Variants in MSC observed in about 807,000 individuals in gnomAD.
MSC encodes the protein musculin.
Under a neutral mutation model 14.4 loss-of-function variants are expected in MSC, and 16 were observed. That is an observed-to-expected ratio of 1.11 (90% CI 0.75 to 1.69). The LOEUF (loss-of-function observed/expected upper bound fraction) is 1.69, where lower values mean the gene tolerates loss of function less well. MSC is among the 40% of genes most tolerant of loss of function. The pLI is 0.00. For missense variants in MSC, 320 were observed against 288.1 expected, an observed-to-expected ratio of 1.11 and a Z score of -0.80; for synonymous variants, 165 against 128.5, an observed-to-expected ratio of 1.28 and a Z score of -1.92.
Position 71,843,823 on chromosome 8 carries a change from C to G in MSC, c.356G>C (p.Arg119Pro). ...RNAANARERARMRVLSKAFSR... is the reference protein window; with the variant it reads ...RNAANARERAPMRVLSKAFSR... ...GAAGGCTTTGCTCAGCACGCGCATC[C>G]GGGCACGCTCACGGGCGTTGGCCGC... The change falls in exon 1 of 2, where the codon CGG (arginine) becomes CCG (proline). Residue 119 changes from arginine to proline, a missense_variant. Coordinates refer to ENST00000325509, the MANE Select transcript of MSC (RefSeq NM_005098.4). 6.2e-7 allele frequency: 1 copy of G among 1,613,484 alleles called. No homozygotes were observed. Among genetic ancestry groups the G allele is most frequent in the Non-Finnish European group, 8.5e-7 (1 of 1,179,878 alleles).
rs1807443322 is a variant in MSC at position 71,843,744 on chromosome 8, C to A, written c.435G>T (p.Lys145Asn). The A allele has an allele frequency of 6.2e-7, 1 of 1,614,178 alleles. No homozygotes were observed. Among genetic ancestry groups the A allele is most frequent in the Non-Finnish European group, 8.5e-7 (1 of 1,180,032 alleles). Residue 145 changes from lysine (K) to asparagine (N), a missense_variant, in exon 1 of 2, where the codon AAG becomes AAT. Lys to Asn is a moderately conservative substitution (Grantham distance 94). Coordinates refer to ENST00000325509, the MANE Select transcript of MSC (RefSeq NM_005098.4). Reference sequence around the variant, plus strand: ...TGGAAGCCAGCCGGAGCGTGTCCAGCTTGGAGAGCTTAGTGTCGGGGGGCA... The same window carrying A: ...TGGAAGCCAGCCGGAGCGTGTCCAGATTGGAGAGCTTAGTGTCGGGGGGCA... ...PWVPPDTKLS[K>N]LDTLRLASSY...
Position 71,842,563 on chromosome 8 carries a change from C to T in MSC, c.*98G>A. The T allele has an allele frequency of 7.8e-6, 9 of 1,156,222 alleles. No homozygotes were observed. The highest frequency in any genetic ancestry group is 1.2e-5 in the Non-Finnish European group (9 of 766,042). The allele number at this position is 1,156,222 out of a possible 1,614,324, so 71.6% of individuals were successfully genotyped here. A position where few individuals can be genotyped will look rare whatever the true frequency, so the allele number is the denominator to read the frequency against. On this transcript the variant is annotated 3_prime_UTR_variant, in exon 2 of 2. Transcript: ENST00000325509. ...AGGGGAAGGGTCAAGGAGAATCCAG[C>T]GGAAACTTCTTCCCATCTCACGAGC...
Position 71,842,663 on chromosome 8 carries a change from A to G in MSC, c.619T>C (p.Ter207GlnextTer7), listed in dbSNP as rs377405872. 153 of 1,613,900 alleles carry G rather than the reference A, an allele frequency of 9.5e-5. No homozygotes were observed. The highest frequency in any genetic ancestry group is 1.3e-4 in the Non-Finnish European group (150 of 1,179,916). Residue 207 changes from the stop codon to glutamine, a stop_lost, in exon 2 of 2, where the codon TAA becomes CAA. Coordinates refer to ENST00000325509, the MANE Select transcript of MSC (RefSeq NM_005098.4). ...AANRLCGTTA[*>Q] ...CATCAAGTGAGTTCCAGTCCGATTT[A>G]AGCGGTGGTTCCACATAGTCTGTTG...
intron 1 of MSC, chr8:71,843,302 A>G (rs1044216510): frequency 3.7e-5 from 16 of 428,696 alleles, no homozygotes; most frequent in African/African-American, 3.2e-4. Flanking sequence ...TGCCCGACTC[A>G]GCTGGATTAA....
rs1422584164 is a variant in MSC, at chr8:71,842,820, A to G, written c.535-73T>C. On this transcript the variant is annotated intron_variant, in intron 1 of 1. Transcript: ENST00000325509. ...AAACCGAAACAGCTCTCCTACGCGA[A>G]CCCCAGATATTCCTGACTTGGAGTA... 2.3e-6 allele frequency: 3 copies of G among 1,308,902 alleles called. No homozygotes were observed. The Admixed American group carries it at 5.0e-5, about 22-fold the overall frequency. 81.1% of individuals were successfully genotyped at this position (1,308,902 alleles called of 1,614,324 possible). A position where few individuals can be genotyped will look rare whatever the true frequency, so the allele number is the denominator to read the frequency against.
rs1450095732 is a variant in MSC at position 71,844,156 on chromosome 8, T to A, written c.23A>T (p.Asp8Val). MSTGSVS[D>V]PEEMELRGLQ... The stretch of plus-strand genomic sequence containing the variant: ...CCCCCGAAGCTCCATCTCCTCCGGA[T>A]CACTCACCGAGCCCGTGGACATCCC... Residue 8 changes from aspartate to valine, a missense_variant, in exon 1 of 2, where the codon GAT (aspartate) becomes GTT (valine). Asp to Val is a radical substitution (Grantham distance 152). Coordinates refer to ENST00000325509, the MANE Select transcript of MSC (RefSeq NM_005098.4). 1.3e-6 allele frequency: 2 copies of A among 1,547,650 alleles called. No individual in the cohort carries two copies. Among genetic ancestry groups the A allele is most frequent in the Non-Finnish European group, 1.7e-6 (2 of 1,147,166 alleles).
chr8:71,843,042 ACACACACG>A (rs756205270), intron 1 of MSC: 16,424 of 302,212 alleles, frequency 0.054, 867 homozygotes, highest in African/African-American at 0.14. Flanking sequence ...ACACACACAC[ACACACACG>A]CACACACACA....
At position 71,843,822 on chromosome 8, in the gene MSC, C is replaced by T. The variant is rs776822960; in HGVS notation, c.357G>A (p.Arg119=). Residue 119 remains arginine, a synonymous_variant, in exon 1 of 2, where the codon CGG becomes CGA. Coordinates refer to ENST00000325509, the MANE Select transcript of MSC (RefSeq NM_005098.4). ...AGAAGGCTTTGCTCAGCACGCGCAT[C>T]CGGGCACGCTCACGGGCGTTGGCCG... is the stretch of plus-strand genomic sequence containing the variant. ...RNAANARERA[R]MRVLSKAFSR... The T allele has an allele frequency of 1.9e-6, 3 of 1,613,394 alleles. No homozygotes were observed. In the African/African-American group the frequency reaches 4.0e-5, roughly 22 times the overall value.
In MSC at chr8:71,842,541, G is replaced by T; in HGVS notation, c.*120C>A. The T allele has an allele frequency of 1.0e-6, 1 of 959,118 alleles. No homozygotes were observed. The highest frequency in any genetic ancestry group is 1.7e-6 in the Non-Finnish European group (1 of 592,794). The allele number at this position is 959,118 out of a possible 1,614,324, so 59.4% of individuals were successfully genotyped here. A position where few individuals can be genotyped will look rare whatever the true frequency, so the allele number is the denominator to read the frequency against. Reference sequence around the variant, plus strand: ...TCACGATCACAGTTCCAGGGAAAGGGGAAGGGTCAAGGAGAATCCAGCGGA... The same window carrying T: ...TCACGATCACAGTTCCAGGGAAAGGTGAAGGGTCAAGGAGAATCCAGCGGA... On this transcript the variant is annotated 3_prime_UTR_variant, in exon 2 of 2. Transcript: ENST00000325509.
chr8:71,843,649 T>C lies in MSC; in HGVS notation c.530A>G (p.Asn177Ser), dbSNP rs964717310. The change falls in exon 1 of 2, where the codon AAC (asparagine) becomes AGC (serine). Residue 177 changes from asparagine (N) to serine (S), a missense_variant. Transcript: ENST00000325509. ...RYENGYVHPV[N>S]LTWPFVVSGR... is the part of the protein sequence containing the mutation. The stretch of plus-strand genomic sequence containing the variant: ...CCTTGCGCGCCGCGCCCCTACCAGG[T>C]TCACTGGGTGCACGTAGCCGTTCTC... The C allele has an allele frequency of 8.1e-6, 13 of 1,614,030 alleles. No individual in the cohort carries two copies. Among genetic ancestry groups the C allele is most frequent in the Non-Finnish European group, 1.1e-5 (13 of 1,180,024 alleles).
In MSC at chr8:71,843,772, C is replaced by G; in HGVS notation, c.407G>C (p.Trp136Ser). 6.2e-7 allele frequency: 1 copy of G among 1,614,024 alleles called. No homozygotes were observed. The highest frequency in any genetic ancestry group is 8.5e-7 in the Non-Finnish European group (1 of 1,180,024). The part of the protein sequence containing the change: ...AFSRLKTSLP[W>S]VPPDTKLSKL... ...GGAGAGCTTAGTGTCGGGGGGCACC[C>G]AGGGCAGGCTGGTCTTGAGCCTGGA... Residue 136 changes from tryptophan to serine, a missense_variant, in exon 1 of 2, where the codon TGG becomes TCG. Physicochemically the swap from Trp to Ser is radical, Grantham distance 177 (BLOSUM62 -3). Transcript: ENST00000325509.
rs1402977534 is a variant in MSC at position 71,842,926 on chromosome 8, C to T, written c.535-179G>A. ...TTTCATTTTACTGGAGGTTGATAAT[C>T]CGAGACTTGCCATATCCGTTCACGC... is the stretch of plus-strand genomic sequence containing the variant. On this transcript the variant is annotated intron_variant, in intron 1 of 1. Transcript: ENST00000325509. The T allele has an allele frequency of 6.7e-6, 4 of 601,132 alleles. No individual in the cohort carries two copies. In the East Asian group the frequency reaches 1.2e-4, roughly 19 times the overall value. 37.2% of individuals were successfully genotyped at this position (601,132 alleles called of 1,614,324 possible). A position where few individuals can be genotyped will look rare whatever the true frequency, so the allele number is the denominator to read the frequency against.
In MSC at chr8:71,844,161, C is replaced by T; in HGVS notation, c.18G>A (p.Val6=). The change falls in exon 1 of 2, where the codon GTG becomes GTA. Residue 6 remains valine (V), a synonymous_variant. Coordinates refer to ENST00000325509, the MANE Select transcript of MSC (RefSeq NM_005098.4). ...GAAGCTCCATCTCCTCCGGATCACT[C>T]ACCGAGCCCGTGGACATCCCGTTGT... MSTGS[V]SDPEEMELRG... is the part of the protein sequence containing the mutation. The T allele has an allele frequency of 1.3e-6, 2 of 1,553,876 alleles. No homozygotes were observed. The highest frequency in any genetic ancestry group is 1.7e-4 in the Middle Eastern group (1 of 5,760).
Position 71,841,671 on chromosome 8 carries a change from C to T in MSC, c.*990G>A. On this transcript the variant is annotated 3_prime_UTR_variant, in exon 2 of 2. Coordinates refer to ENST00000325509, the MANE Select transcript of MSC (RefSeq NM_005098.4). ...AAGGGCGCGTTCCCTATCGCAGGAT[C>T]ACTTGCTATGGTAAGCCGCCCACCC... 6.6e-6 allele frequency: 1 copy of T among 152,266 alleles called. No individual in the cohort carries two copies. The highest frequency in any genetic ancestry group is 1.9e-4 in the East Asian group (1 of 5,190). 9.4% of individuals were successfully genotyped at this position (152,266 alleles called of 1,614,324 possible).
rs1381747005 is a variant in MSC at position 71,842,715 on chromosome 8, G to A, written c.567C>T (p.Asp189=). Residue 189 remains aspartate (D), a synonymous_variant, in exon 2 of 2, where the codon GAC becomes GAT. Coordinates refer to ENST00000325509, the MANE Select transcript of MSC (RefSeq NM_005098.4). ...CTGCGGAAACTTCTTTGGTGTCAGA[G>A]TCCGGTCTTCCCGAGACCACGAATG... The part of the protein sequence containing the change: ...TWPFVVSGRP[D]SDTKEVSAAN... The A allele has an allele frequency of 2.5e-6, 4 of 1,614,142 alleles. No homozygotes were observed. The highest frequency in any genetic ancestry group is 3.4e-6 in the Non-Finnish European group (4 of 1,180,024).
chr8:71,844,218 C>T lies in MSC; in HGVS notation c.-40G>A, dbSNP rs1277563312. 23 of 1,607,580 alleles carry T rather than the reference C, an allele frequency of 1.4e-5. No homozygotes were observed. The highest frequency in any genetic ancestry group is 1.9e-5 in the Non-Finnish European group (22 of 1,178,088). On this transcript the variant is annotated 5_prime_UTR_variant, in exon 1 of 2. Transcript: ENST00000325509. ...TGCCCACACGCGTCCTCTTTCCTCC[C>T]CCCTGGCCAGTCTCGCTGTCTCCGC... is the stretch of plus-strand genomic sequence containing the variant.
chr8:71,843,314 T>C (rs76480365), intron 1 of MSC: 30,628 of 446,058 alleles, frequency 0.069, 1,383 homozygotes, highest in Middle Eastern at 0.1. Flanking sequence ...CTGGATTAAG[T>C]TGGGCAAGGG....
At chr8:71,843,314 T>A (rs76480365) in intron 1 of MSC, 3 of 445,950 alleles carry the variant, frequency 6.7e-6, no homozygotes, top group African/African-American at 6.0e-5. Flanking sequence ...CTGGATTAAG[T>A]TGGGCAAGGG....
rs1194257624 is a variant in MSC at position 71,844,170 on chromosome 8, C to T, written c.9G>A (p.Thr3=). The T allele has an allele frequency of 8.3e-6, 13 of 1,562,450 alleles. No homozygotes were observed. The highest frequency in any genetic ancestry group is 1.1e-5 in the Non-Finnish European group (13 of 1,152,910). MS[T]GSVSDPEEME... is the part of the protein sequence containing the mutation. ...TCTCCTCCGGATCACTCACCGAGCC[C>T]GTGGACATCCCGTTGTCCCCCTTGC... Residue 3 remains threonine, a synonymous_variant, in exon 1 of 2, where the codon ACG becomes ACA. Coordinates refer to ENST00000325509, the MANE Select transcript of MSC (RefSeq NM_005098.4).
Sources: allele counts gnomAD v4.1 joint callset, GRCh38; gene constraint gnomAD v4.1.1; transcripts MANE v1.5; gene names NCBI Gene and HGNC (gene_info 2026-07-23, HGNC 2026-07-21).